Variants in DESI1 observed in about 807,000 individuals in gnomAD.
DESI1 encodes desumoylating isopeptidase 1.
A neutral mutation model predicts 22.4 loss-of-function variants in DESI1; 17 were observed. That is an observed-to-expected ratio of 0.76 (90% CI 0.52 to 1.14). The LOEUF (loss-of-function observed/expected upper bound fraction) is 1.14, where lower values mean the gene tolerates loss of function less well. DESI1 is among the 50% of genes most tolerant of loss of function. DESI1 has a pLI of 0.00. For synonymous variants in DESI1, 92 were observed against 84.2 expected, an observed-to-expected ratio of 1.09 and a Z score of -0.51; for missense variants, 177 against 208.9, an observed-to-expected ratio of 0.85 and a Z score of 0.94.
intron 1 of DESI1, 69 bp from the exon 2 acceptor site, chr22:41,607,930 A>T: frequency 6.4e-7 from 1 of 1,572,810 alleles, no homozygotes; most frequent in Non-Finnish European, 8.7e-7. Flanking sequence ...TGGTAAATTC[A>T]TGACATCACT....
chr22:41,602,139 A>T, intron 5 of DESI1: 1 of 884,820 alleles, frequency 1.1e-6, no homozygotes, highest in Non-Finnish European at 1.4e-6. Context: ...AGAAACTTTT[A>T]AGTCACTGGC....
At chr22:41,614,590 C>CTTTT (rs10523372) in intron 1 of DESI1, among the ~76,000 whole-genome samples, 1 of 85,748 alleles carries the variant, frequency 1.2e-5, no homozygotes, top group African/African-American at 5.4e-5. Flanking sequence ...GGCCTACATC[C>CTTTT]TTTTTTTTTT....
At chr22:41,604,190 C>G (rs1233295177) in intron 3 of DESI1, 37 bp from the exon 4 acceptor site, 1 of 1,584,538 alleles carries the variant, frequency 6.3e-7, no homozygotes, top group Admixed American at 1.7e-5. Flanking sequence ...ATTAAGTTAC[C>G]ATCTCCACTG....
Position 41,620,796 on chromosome 22 carries a change from T to C in DESI1, c.44A>G (p.Asp15Gly), listed in dbSNP as rs771874559. ...NLYPVKLYVY[D>G]LSKGLARRLS... Reference sequence around the variant, plus strand: ...CCGCCGGGCCAGGCCTTTGGACAGGTCGTACACGTAGAGCTTCACCGGATA... The same window carrying C: ...CCGCCGGGCCAGGCCTTTGGACAGGCCGTACACGTAGAGCTTCACCGGATA... The change falls in exon 1 of 6, where the codon GAC (aspartate) becomes GGC (glycine). Residue 15 changes from aspartate (D) to glycine (G), a missense_variant. Physicochemically the swap from Asp to Gly is moderately conservative, Grantham distance 94. Transcript: ENST00000263256. The C allele has an allele frequency of 1.2e-6, 2 of 1,612,708 alleles. No homozygotes were observed. The highest frequency in any genetic ancestry group is 2.2e-5 in the East Asian group (1 of 44,808).
chr22:41,607,277 G>A lies in DESI1; in HGVS notation c.165C>T (p.Ile55=). ...KDEFFFGSGG[I]SSCPPGGTLL... is the part of the protein sequence containing the mutation. The stretch of plus-strand genomic sequence containing the variant: ...AGACACTCACCGGGGGGCAGCTGGA[G>A]ATACCACCACTGCCGAAGAAGAACT... The change falls in exon 3 of 6, where the codon ATC becomes ATT. Residue 55 remains isoleucine (I), a synonymous_variant. Coordinates refer to ENST00000263256, the MANE Select transcript of DESI1 (RefSeq NM_015704.3). The A allele has an allele frequency of 6.2e-7, 1 of 1,611,448 alleles. No homozygotes were observed. Among genetic ancestry groups the A allele is most frequent in the African/African-American group, 1.3e-5 (1 of 74,854 alleles).
rs916310436 is a variant in DESI1, at chr22:41,600,967, C to G, written c.*130G>C. On this transcript the variant is annotated 3_prime_UTR_variant, in exon 6 of 6. Coordinates refer to ENST00000263256, the MANE Select transcript of DESI1 (RefSeq NM_015704.3). ...ACATGCGGCCTGACGGTCTCCTTCC[C>G]TGGGAAATTTAAAAAGCCGTCCCCT... The G allele has an allele frequency of 2.5e-5, 21 of 848,818 alleles. No homozygotes were observed. The highest frequency in any genetic ancestry group is 2.6e-4 in the Middle Eastern group (1 of 3,818). 52.6% of individuals were successfully genotyped at this position (848,818 alleles called of 1,614,324 possible). A position where few individuals can be genotyped will look rare whatever the true frequency, so the allele number is the denominator to read the frequency against.
At chr22:41,602,475 T>C (rs2067454673) in intron 5 of DESI1, 1 of 985,310 alleles carries the variant, frequency 1.0e-6, no homozygotes, top group Non-Finnish European at 1.2e-6. Flanking sequence ...TGGGAGGTGC[T>C]TCCTCAGATA....
chr22:41,604,251 T>TAA, intron 3 of DESI1, 98 bp from the exon 4 acceptor site: 2 of 82,822 alleles, frequency 2.4e-5, no homozygotes, highest in South Asian at 4.9e-4. Flanking sequence ...CTGTTCTGAC[T>TAA]TTTTTTTTTT....
chr22:41,609,055 C>T (rs2067500476), intron 1 of DESI1, among the ~76,000 whole-genome samples: 2 of 152,162 alleles, frequency 1.3e-5, no homozygotes, highest in African/African-American at 4.8e-5. Context: ...GATTCTCATG[C>T]CTCAGCCTCC....
At chr22:41,612,756 CTTTT>C (rs1176318751) in intron 1 of DESI1, among the ~76,000 whole-genome samples, 4 of 134,720 alleles carry the variant, frequency 3.0e-5, no homozygotes, top group Non-Finnish European at 3.2e-5. Context: ...CCCAGGCCTA[CTTTT>C]TTTTTTTTTT....
intron 5 of DESI1, 118 bp downstream of exon 5, chr22:41,603,141 C>A: frequency 6.8e-7 from 1 of 1,479,618 alleles, no homozygotes; most frequent in Non-Finnish European, 9.3e-7. Flanking sequence ...TAGAATCTGC[C>A]ATCAGGGCAG....
chr22:41,616,900 C>T (rs767179295), intron 1 of DESI1, among the ~76,000 whole-genome samples: 4 of 152,096 alleles, frequency 2.6e-5, no homozygotes, highest in Non-Finnish European at 4.4e-5. Flanking sequence ...TCCTGAACTG[C>T]GACAGAGCTA....
chr22:41,617,818 G>A lies in DESI1; in HGVS notation c.88+2934C>T, dbSNP rs186421146. 1.4e-4 allele frequency among the ~76,000 whole-genome samples: 22 copies of A among 152,278 alleles called. No individual in the cohort carries two copies. The East Asian group carries it at 3.1e-3, about 21-fold the overall frequency. On this transcript the variant is annotated intron_variant, in intron 1 of 5. Coordinates refer to ENST00000263256, the MANE Select transcript of DESI1 (RefSeq NM_015704.3). ...GGACTTTACATCTATATAAAAGGGC[G>A]GGGAGTGGGAAGGGGGCAGGTCTAT...
chr22:41,606,295 G>T (rs1286522007), intron 3 of DESI1, among the ~76,000 whole-genome samples: 1 of 151,586 alleles, frequency 6.6e-6, no homozygotes, highest in African/African-American at 2.4e-5. Context: ...GGTGGAGGCT[G>T]CAGTAAGCAA....
intron 1 of DESI1, among the ~76,000 whole-genome samples, chr22:41,620,345 C>G (rs777265962): frequency 6.6e-6 from 1 of 152,074 alleles, no homozygotes; most frequent in Non-Finnish European, 1.5e-5. Context: ...CGAGGGGCAC[C>G]GCGCGGCAGG....
In DESI1 at chr22:41,598,448, T is replaced by C. The variant is rs2067432377; in HGVS notation, c.*2649A>G. 6.6e-6 allele frequency: 1 copy of C among 152,214 alleles called. No individual in the cohort carries two copies. The highest frequency in any genetic ancestry group is 1.5e-5 in the Non-Finnish European group (1 of 68,068). The allele number at this position is 152,214 out of a possible 1,614,324, so 9.4% of individuals were successfully genotyped here. A position where few individuals can be genotyped will look rare whatever the true frequency, so the allele number is the denominator to read the frequency against. On this transcript the variant is annotated 3_prime_UTR_variant, in exon 6 of 6. Coordinates refer to ENST00000263256, the MANE Select transcript of DESI1 (RefSeq NM_015704.3). ...CCTTCCCATGGAGCTCTGGGAAAAC[T>C]GCTCAGTGATCCCTCGCTCTCTCCC...
At chr22:41,602,514 C>A in intron 5 of DESI1, 5 of 985,436 alleles carry the variant, frequency 5.1e-6, no homozygotes, top group Non-Finnish European at 6.0e-6. Flanking sequence ...GCTGGGCCTG[C>A]GAAACCTGCC....
At chr22:41,609,786 C>T (rs1569068552) in intron 1 of DESI1, among the ~76,000 whole-genome samples, 2 of 142,472 alleles carry the variant, frequency 1.4e-5, no homozygotes, top group African/African-American at 5.3e-5. Flanking sequence ...GAGACCCTGT[C>T]TCAAATAAAA....
intron 5 of DESI1, chr22:41,602,267 A>AG (rs1160126308): frequency 7.1e-6 from 7 of 985,362 alleles, no homozygotes; most frequent in Non-Finnish European, 6.0e-6. Flanking sequence ...AGACAATTCC[A>AG]GGAACTCCAC....
Sources: allele counts gnomAD v4.1 joint callset (sites outside exome capture counted in the v4.1 genomes callset), GRCh38; gene constraint gnomAD v4.1.1; transcripts MANE v1.5; gene names NCBI Gene and HGNC (gene_info 2026-07-23, HGNC 2026-07-21).